RPS6KC1: variants seen among roughly 807,000 people sequenced by gnomAD.
RPS6KC1 encodes inactive ribosomal protein S6 kinase delta-1.
A neutral mutation model predicts 103.8 loss-of-function variants in RPS6KC1; 54 were observed. The ratio of observed to expected loss-of-function variants is 0.52; its 90% CI spans 0.42 to 0.65. The LOEUF (loss-of-function observed/expected upper bound fraction) is 0.65. Ranked by LOEUF, RPS6KC1 falls within the 30% of genes least tolerant of loss-of-function variation. RPS6KC1 has a pLI of 0.00. For synonymous variants in RPS6KC1, 439 were observed against 438.7 expected (o/e 1.00, Z -0.01); for missense variants, 1,151 against 1,253.8 (o/e 0.92, Z 1.24).
At chr1:213,343,409 A>G in the RPS6KC1 span, among the ~76,000 whole-genome samples, 440 of 24,354 alleles carry the variant, frequency 0.018, 34 homozygotes, top group African/African-American at 0.036. Flanking sequence ...ATATATATAT[A>G]TATATATATA....
intron 6 of RPS6KC1, among the ~76,000 whole-genome samples, chr1:213,154,117 C>A (rs2089585938): frequency 6.7e-6 from 1 of 149,996 alleles, no homozygotes. Context: ...CATATAAAAT[C>A]TCTCTCTCTG....
At chr1:213,318,219 C>T in the RPS6KC1 span, among the ~76,000 whole-genome samples, 1 of 152,226 alleles carries the variant, frequency 6.6e-6, no homozygotes, top group Non-Finnish European at 1.5e-5. Flanking sequence ...TTCCTTTGGA[C>T]CCCTGGATTG....
chr1:213,472,919 T>C, the RPS6KC1 span, among the ~76,000 whole-genome samples: 1 of 152,334 alleles, frequency 6.6e-6, no homozygotes, highest in Non-Finnish European at 1.5e-5. Flanking sequence ...CAGAATATAT[T>C]CATATCAGAA....
chr1:213,098,777 C>T lies in RPS6KC1; in HGVS notation c.263-5677C>T, dbSNP rs552444030. On this transcript the variant is annotated intron_variant, in intron 3 of 14. Coordinates refer to ENST00000366960, the MANE Select transcript of RPS6KC1 (RefSeq NM_012424.6). ...GAAAAAGTTTGATTGTGACATTTAC[C>T]AAAATGTGACACAGAGACATAAAGT... Among the ~76,000 whole-genome samples the T allele has an allele frequency of 2.6e-5, 4 of 152,096 alleles. No individual in the cohort carries two copies. The South Asian group carries it at 8.3e-4, about 32-fold the overall frequency.
chr1:213,694,160 T>C, the RPS6KC1 span, among the ~76,000 whole-genome samples: 4 of 152,266 alleles, frequency 2.6e-5, no homozygotes, highest in Non-Finnish European at 5.9e-5. Context: ...ACTTATCTCC[T>C]GCTCAATCTC....
the RPS6KC1 span, among the ~76,000 whole-genome samples, chr1:213,308,848 A>G: frequency 1.3e-5 from 2 of 152,204 alleles, no homozygotes; most frequent in Admixed American, 1.3e-4. Flanking sequence ...ACACTAAGAC[A>G]AATAAAATGT....
At chr1:213,712,952 T>C in the RPS6KC1 span, among the ~76,000 whole-genome samples, 6 of 152,204 alleles carry the variant, frequency 3.9e-5, no homozygotes, top group African/African-American at 1.4e-4. Context: ...GAGCTGTTCC[T>C]ATTCTGCCAT....
chr1:213,259,254 T>C (rs1240468691), intron 12 of RPS6KC1, among the ~76,000 whole-genome samples: 1 of 152,214 alleles, frequency 6.6e-6, no homozygotes, highest in African/African-American at 2.4e-5. Context: ...TACATATTCA[T>C]GTAGGTAATA....
chr1:213,168,859 T>C (rs1307349388), intron 7 of RPS6KC1, among the ~76,000 whole-genome samples: 1 of 152,062 alleles, frequency 6.6e-6, no homozygotes, highest in Non-Finnish European at 1.5e-5. Flanking sequence ...CCTGACCTCA[T>C]GATCTGCCCG....
chr1:213,321,001 G>C, the RPS6KC1 span, among the ~76,000 whole-genome samples: 1 of 152,280 alleles, frequency 6.6e-6, no homozygotes, highest in Middle Eastern at 3.4e-3. Context: ...TTTGGACAAG[G>C]GTGAGGTGTT....
intron 12 of RPS6KC1, among the ~76,000 whole-genome samples, chr1:213,249,745 T>C (rs1040963237): frequency 7.9e-5 from 12 of 152,200 alleles, no homozygotes; most frequent in Non-Finnish European, 1.2e-4. Flanking sequence ...CAAGATTGTT[T>C]ACAGCTCAGA....
the RPS6KC1 span, among the ~76,000 whole-genome samples, chr1:213,805,209 G>A: frequency 6.6e-6 from 1 of 152,204 alleles, no homozygotes; most frequent in Non-Finnish European, 1.5e-5. Context: ...GAGGGTTAGG[G>A]TGGCTGTGAC....
At chr1:213,713,292 C>A in the RPS6KC1 span, among the ~76,000 whole-genome samples, 2 of 152,278 alleles carry the variant, frequency 1.3e-5, no homozygotes, top group Non-Finnish European at 2.9e-5. Context: ...CTGAGTTCGG[C>A]CAGCTCATAT....
At chr1:213,856,189 G>A in the RPS6KC1 span, among the ~76,000 whole-genome samples, 2 of 152,142 alleles carry the variant, frequency 1.3e-5, no homozygotes, top group Non-Finnish European at 2.9e-5. Context: ...ACACAGTGGA[G>A]GATATAAAAC....
chr1:213,386,837 A>G, the RPS6KC1 span, among the ~76,000 whole-genome samples: 9 of 152,066 alleles, frequency 5.9e-5, no homozygotes, highest in Non-Finnish European at 8.8e-5. Flanking sequence ...TCTGGCTCTT[A>G]ATGACTGTGG....
At chr1:213,107,511 TCATTGTATAGATAATACCA>T (rs1382029054) in intron 4 of RPS6KC1, among the ~76,000 whole-genome samples, 2 of 152,254 alleles carry the variant, frequency 1.3e-5, no homozygotes, top group African/African-American at 4.8e-5. Context: ...GAAATGCATT[TCATTGTATAGATAATACCA>T]CATTTTCTTC....
chr1:213,436,230 TTAAA>T, the RPS6KC1 span, among the ~76,000 whole-genome samples: 1 of 152,226 alleles, frequency 6.6e-6, no homozygotes, highest in African/African-American at 2.4e-5. Flanking sequence ...TAAAATTAAA[TTAAA>T]TAAAAAGTTC....
chr1:213,637,523 G>T, the RPS6KC1 span, among the ~76,000 whole-genome samples: 1 of 152,018 alleles, frequency 6.6e-6, no homozygotes, highest in Non-Finnish European at 1.5e-5. Context: ...TATGTAACAG[G>T]CCTGCACGTT....
At chr1:213,617,874 C>T in the RPS6KC1 span, among the ~76,000 whole-genome samples, 14 of 152,128 alleles carry the variant, frequency 9.2e-5, no homozygotes, top group South Asian at 2.1e-4. Context: ...ATGTCTCCAT[C>T]GAGGAGATTT....
Sources: gnomAD v4.1 joint callset for allele counts (sites outside exome capture counted in the v4.1 genomes callset) on GRCh38, gnomAD v4.1.1 for gene constraint, MANE v1.5 for transcripts, NCBI Gene and HGNC (gene_info 2026-07-23, HGNC 2026-07-21) for gene names.